PLD1: variants seen among roughly 807,000 people sequenced by gnomAD.
The protein encoded by PLD1 is choline phosphatase 1.
In PLD1, 112 loss-of-function variants were observed where a neutral mutation model predicts 137.1. The observed-to-expected ratio is 0.82, with a 90% CI of 0.70 to 0.96. The LOEUF (loss-of-function observed/expected upper bound fraction) is 0.96, where lower values mean the gene tolerates loss of function less well. Among genes scored for constraint, PLD1 ranks in the 40% least tolerant of loss-of-function variants. The pLI, the probability that PLD1 is intolerant of heterozygous loss-of-function variation, is 0.00. For synonymous variants in PLD1, 431 were observed against 454.7 expected, an observed-to-expected ratio of 0.95 and a Z score of 0.66; for missense variants, 1,321 against 1,342.0, an observed-to-expected ratio of 0.98 and a Z score of 0.24.
intron 1 of PLD1, among the ~76,000 whole-genome samples, chr3:171,786,060 A>G (rs1360280382): frequency 1.3e-5 from 2 of 152,258 alleles, no homozygotes; most frequent in Non-Finnish European, 2.9e-5. Flanking sequence ...TGACTTTCCA[A>G]ACTGGAAACA....
intron 1 of PLD1, among the ~76,000 whole-genome samples, chr3:171,763,830 C>CTTTTT (rs71178234): frequency 3.9e-4 from 34 of 86,652 alleles, no homozygotes; most frequent in Admixed American, 5.0e-4. Context: ...TTCTTTCTTT[C>CTTTTT]TTTTTTTTTT....
At chr3:171,768,010 C>CATTATTATTATT (rs36100351) in intron 1 of PLD1, among the ~76,000 whole-genome samples, 18 of 148,852 alleles carry the variant, frequency 1.2e-4, no homozygotes, top group African/African-American at 4.2e-4. Flanking sequence ...TTTATGTGTT[C>CATTATTATTATT]ATTATTATTA....
intron 1 of PLD1, among the ~76,000 whole-genome samples, chr3:171,795,956 G>T (rs1355341213): frequency 6.6e-6 from 1 of 152,172 alleles, no homozygotes; most frequent in East Asian, 1.9e-4. Flanking sequence ...AGTTTTGAGA[G>T]TCTACTGAAT....
Position 171,733,361 on chromosome 3 carries a change from T to C in PLD1, c.606+83A>G, listed in dbSNP as rs530356696. Reference sequence around the variant, plus strand: ...ATGTAGGTGTGGATACAATCACTTGTGTTATTAAAATGATCCAAAATTTAG... The same window carrying C: ...ATGTAGGTGTGGATACAATCACTTGCGTTATTAAAATGATCCAAAATTTAG... On this transcript the variant is annotated intron_variant, in intron 6 of 26. Transcript: ENST00000351298. 4.7e-5 allele frequency: 31 copies of C among 652,838 alleles called. No homozygotes were observed. The African/African-American group carries it at 5.4e-4, about 11-fold the overall frequency. The allele number at this position is 652,838 out of a possible 1,614,324, so 40.4% of individuals were successfully genotyped here.
At chr3:171,696,473 T>C (rs534426951) in intron 12 of PLD1, among the ~76,000 whole-genome samples, 9 of 152,328 alleles carry the variant, frequency 5.9e-5, no homozygotes, top group African/African-American at 2.2e-4. Flanking sequence ...ATGTTTGCCA[T>C]ACGTTGGCTA....
chr3:171,658,420 G>C (rs1578205543), intron 21 of PLD1, among the ~76,000 whole-genome samples: 1 of 152,096 alleles, frequency 6.6e-6, no homozygotes, highest in Non-Finnish European at 1.5e-5. Flanking sequence ...ATCAACTAAT[G>C]AATGGATAAA....
At position 171,734,846 on chromosome 3, in the gene PLD1, G is replaced by A. The variant is rs1226120557; in HGVS notation, c.540+19C>T. 3.4e-6 allele frequency: 5 copies of A among 1,486,022 alleles called. No homozygotes were observed. The highest frequency in any genetic ancestry group is 4.7e-6 in the Non-Finnish European group (5 of 1,063,746). 92.1% of individuals were successfully genotyped at this position (1,486,022 alleles called of 1,614,324 possible). ...CTGCAAAATTAGGTTTAAAACCACAGAATAGTGAAGAAACTTACTCTTCTA... is the reference window on the plus strand; with the variant it reads ...CTGCAAAATTAGGTTTAAAACCACAAAATAGTGAAGAAACTTACTCTTCTA... On this transcript the variant is annotated intron_variant, in intron 5 of 26. Transcript: ENST00000351298.
At chr3:171,747,684 G>A (rs1264818403) in intron 1 of PLD1, among the ~76,000 whole-genome samples, 1 of 152,102 alleles carries the variant, frequency 6.6e-6, no homozygotes, top group African/African-American at 2.4e-5. Context: ...AAGCAGACTT[G>A]CATCATGTTT....
chr3:171,805,566 T>A (rs1269788356), intron 1 of PLD1, among the ~76,000 whole-genome samples: 2 of 152,114 alleles, frequency 1.3e-5, no homozygotes, highest in Non-Finnish European at 2.9e-5. Context: ...CAGCAGAGGA[T>A]CTCCAGGACC....
chr3:171,680,916 C>T (rs13323858), intron 16 of PLD1, among the ~76,000 whole-genome samples: 9,216 of 152,234 alleles, frequency 0.061, 880 homozygotes, highest in African/African-American at 0.2. Context: ...TGTCAGACTC[C>T]CTGTGTCTCT....
At chr3:171,608,454 T>C (rs1315404165) in intron 25 of PLD1, among the ~76,000 whole-genome samples, 1 of 152,218 alleles carries the variant, frequency 6.6e-6, no homozygotes, top group African/African-American at 2.4e-5. Flanking sequence ...TTAATGTTTA[T>C]GAATAACCAA....
At chr3:171,768,240 A>T (rs1378450504) in intron 1 of PLD1, among the ~76,000 whole-genome samples, 2 of 152,148 alleles carry the variant, frequency 1.3e-5, no homozygotes, top group African/African-American at 4.8e-5. Context: ...TACTGACATT[A>T]CTAAAATAGT....
intron 4 of PLD1, 76 bp downstream of exon 4, chr3:171,735,416 G>T: frequency 1.6e-6 from 2 of 1,259,940 alleles, no homozygotes; most frequent in East Asian, 2.3e-5. Flanking sequence ...GATTACAGGT[G>T]TGAGCTACCA....
chr3:171,675,291 T>A (rs902745021), intron 18 of PLD1, among the ~76,000 whole-genome samples: 2 of 152,232 alleles, frequency 1.3e-5, no homozygotes, highest in African/African-American at 4.8e-5. Context: ...TGGGATATCA[T>A]TATTTTTAAT....
intron 11 of PLD1, among the ~76,000 whole-genome samples, chr3:171,705,360 A>AAGGAAACT (rs1716597407): frequency 6.6e-6 from 1 of 152,226 alleles, no homozygotes; most frequent in Non-Finnish European, 1.5e-5. Context: ...GCTGAAAACT[A>AAGGAAACT]AAGACAGAAG....
chr3:171,612,172 G>T lies in PLD1; in HGVS notation c.2882+107C>A. On this transcript the variant is annotated intron_variant, in intron 25 of 26. Transcript: ENST00000351298. The surrounding 1 kb of genome is among the most constrained non-coding windows in gnomAD (Gnocchi z 4.1). ...CTATATTCTGGGACACACTGTTTTAGATGAAGAAGAACCTAGGATGACCCA... is the reference window on the plus strand; with the variant it reads ...CTATATTCTGGGACACACTGTTTTATATGAAGAAGAACCTAGGATGACCCA... 1.1e-6 allele frequency: 1 copy of T among 944,084 alleles called. No individual in the cohort carries two copies. Among genetic ancestry groups the T allele is most frequent in the East Asian group, 2.4e-5 (1 of 41,250 alleles). 58.5% of individuals were successfully genotyped at this position (944,084 alleles called of 1,614,324 possible).
chr3:171,605,744 G>A (rs755489159), intron 25 of PLD1, among the ~76,000 whole-genome samples: 3 of 152,184 alleles, frequency 2.0e-5, no homozygotes, highest in Non-Finnish European at 4.4e-5. Flanking sequence ...AATCCTGTGT[G>A]GTAGGCGGGA....
At position 171,680,242 on chromosome 3, in the gene PLD1, C is replaced by CTTTTTTTTTTTTT. The variant is rs571538714; in HGVS notation, c.1868-2561_1868-2549dup. Among the ~76,000 whole-genome samples, 4 of 102,928 alleles carry CTTTTTTTTTTTTT rather than the reference C, an allele frequency of 3.9e-5. 1 individual carries two copies. Among genetic ancestry groups the CTTTTTTTTTTTTT allele is most frequent in the Non-Finnish European group, 7.6e-5 (4 of 52,644 alleles). 67.5% of individuals were successfully genotyped at this position (102,928 alleles called of 152,430 possible). A position where few individuals can be genotyped will look rare whatever the true frequency, so the allele number is the denominator to read the frequency against. On this transcript the variant is annotated intron_variant, in intron 16 of 26. Transcript: ENST00000351298. ...GTCTTTTTGTTTTCTTTTTCTTCCT[C>CTTTTTTTTTTTTT]TTTTTTTTTTTTTTTTTTTTTTTTT... is the stretch of plus-strand genomic sequence containing the variant.
intron 1 of PLD1, among the ~76,000 whole-genome samples, chr3:171,772,412 A>G (rs1028954781): frequency 6.6e-6 from 1 of 152,158 alleles, no homozygotes; most frequent in African/African-American, 2.4e-5. Context: ...GTTACTCAAA[A>G]CCTGTGAAAT....
Sources: gnomAD v4.1 joint callset for allele counts (sites outside exome capture counted in the v4.1 genomes callset) on GRCh38, gnomAD v4.1.1 for gene constraint, Gnocchi (gnomAD v3.1) non-coding constraint, MANE v1.5 for transcripts, NCBI Gene and HGNC (gene_info 2026-07-23, HGNC 2026-07-21) for gene names.